The following COG7 variants were observed in gnomAD, a reference collection of about 807,000 sequenced individuals.
The protein encoded by COG7 is conserved oligomeric Golgi complex subunit 7.
Under a neutral mutation model 91.5 loss-of-function variants are expected in COG7, and 49 were observed. The observed-to-expected ratio is 0.54, with a 90% CI of 0.43 to 0.68. The LOEUF (loss-of-function observed/expected upper bound fraction) is 0.68, where lower values mean the gene tolerates loss of function less well. Among genes scored for constraint, COG7 ranks in the 30% least tolerant of loss-of-function variants. The pLI, the probability that COG7 is intolerant of heterozygous loss-of-function variation, is 0.00. For missense variants in COG7, 895 were observed against 961.3 expected (o/e 0.93, Z 0.91); for synonymous variants, 365 against 388.7 (o/e 0.94, Z 0.72).
intron 12 of COG7, among the ~76,000 whole-genome samples, chr16:23,404,215 A>G (rs1312324517): frequency 6.6e-6 from 1 of 152,274 alleles, no homozygotes; most frequent in African/African-American, 2.4e-5. Context: ...AGCTTCACAT[A>G]TAAATCAGAG....
At chr16:23,393,384 C>T (rs1261703976) in intron 14 of COG7, 37 bp from the exon 15 acceptor site, 8 of 1,481,892 alleles carry the variant, frequency 5.4e-6, no homozygotes, top group African/African-American at 1.4e-5. Flanking sequence ...CTGACATTGA[C>T]ACATACGGGT....
Position 23,424,900 on chromosome 16 carries a change from G to A in COG7, c.858C>T (p.Thr286=). Residue 286 remains threonine (T), a synonymous_variant, in exon 7 of 17, where the codon ACC becomes ACT. Transcript: ENST00000307149. The part of the protein sequence containing the change: ...HEVVMVLLIQ[T]LGALMPSLPS... Reference sequence around the variant, plus strand: ...GCAGCGAGGGCATGAGGGCCCCCAGGGTCTGAATCAGCAGCACCATTACCA... The same window carrying A: ...GCAGCGAGGGCATGAGGGCCCCCAGAGTCTGAATCAGCAGCACCATTACCA... 1.2e-6 allele frequency: 2 copies of A among 1,613,890 alleles called. No individual in the cohort carries two copies. Among genetic ancestry groups the A allele is most frequent in the Non-Finnish European group, 1.7e-6 (2 of 1,179,896 alleles).
At chr16:23,411,025 C>CA (rs895059674) in intron 10 of COG7, among the ~76,000 whole-genome samples, 14 of 151,556 alleles carry the variant, frequency 9.2e-5, no homozygotes, top group African/African-American at 1.9e-4. Flanking sequence ...AAATTAAAAA[C>CA]AAAAAAAATG....
intron 4 of COG7, among the ~76,000 whole-genome samples, chr16:23,441,659 G>A (rs2142093388): frequency 6.6e-6 from 1 of 152,290 alleles, no homozygotes; most frequent in Non-Finnish European, 1.5e-5. Flanking sequence ...AGAGGTATCT[G>A]TGAGAGAGAC....
intron 6 of COG7, among the ~76,000 whole-genome samples, chr16:23,430,018 A>T (rs746858533): frequency 1.3e-5 from 2 of 152,190 alleles, no homozygotes; most frequent in African/African-American, 2.4e-5. Context: ...ACTGGGAAGG[A>T]GCATGAGGGA....
rs74661112 is a variant in COG7 at position 23,416,872 on chromosome 16, A to G, written c.1292+95T>C. 0.022 allele frequency: 32,001 copies of G among 1,435,600 alleles called. 580 individuals are homozygous for G. Among genetic ancestry groups the G allele is most frequent in the Admixed American group, 0.074 (4,010 of 54,058 alleles). 88.9% of individuals were successfully genotyped at this position (1,435,600 alleles called of 1,614,324 possible). A position where few individuals can be genotyped will look rare whatever the true frequency, so the allele number is the denominator to read the frequency against. On this transcript the variant is annotated intron_variant, in intron 9 of 16. Transcript: ENST00000307149. ...TTGGGTTCAGGTGCAAGTGTTTCCC[A>G]GGGTTCAGAGAACAAATACAGAACA...
At chr16:23,447,941 T>C (rs1179864113) in intron 1 of COG7, among the ~76,000 whole-genome samples, 2 of 152,002 alleles carry the variant, frequency 1.3e-5, no homozygotes, top group Non-Finnish European at 2.9e-5. Context: ...ATAAAATCCC[T>C]GCATAACGTG....
At chr16:23,426,302 T>C (rs114563808) in intron 6 of COG7, among the ~76,000 whole-genome samples, 149 of 152,292 alleles carry the variant, frequency 9.8e-4, no homozygotes, top group African/African-American at 3.4e-3. Context: ...AAAACACTAG[T>C]AAGCTGAGTT....
Position 23,402,813 on chromosome 16 carries a change from A to G in COG7, c.1803+881T>C, listed in dbSNP as rs559461980. Among the ~76,000 whole-genome samples, 27 of 152,350 alleles carry G rather than the reference A, an allele frequency of 1.8e-4. 1 individual carries two copies. The South Asian group carries it at 5.6e-3, about 32-fold the overall frequency. ...CACGATCATGTCGTTTAACTGAGCA[A>G]TTTTACGGATGGGAATCCTGACTCC... On this transcript the variant is annotated intron_variant, in intron 13 of 16. Transcript: ENST00000307149.
chr16:23,422,927 C>T (rs1316262682), intron 7 of COG7, among the ~76,000 whole-genome samples: 1 of 151,412 alleles, frequency 6.6e-6, no homozygotes, highest in Non-Finnish European at 1.5e-5. Context: ...TGCCTGTAAT[C>T]CCAACTACTC....
At chr16:23,431,078 G>C (rs1294378435) in intron 6 of COG7, among the ~76,000 whole-genome samples, 1 of 152,094 alleles carries the variant, frequency 6.6e-6, no homozygotes, top group Non-Finnish European at 1.5e-5. Context: ...TGAACAGACA[G>C]AGACAGGGAT....
intron 13 of COG7, among the ~76,000 whole-genome samples, chr16:23,399,963 T>C (rs1332753292): frequency 6.6e-6 from 1 of 152,156 alleles, no homozygotes; most frequent in Non-Finnish European, 1.5e-5. Context: ...AGGAATTCCT[T>C]TTCTTTTTCT....
chr16:23,416,689 C>CTTTTTTTTTTTTTTTTTT, intron 9 of COG7: 1 of 478,636 alleles, frequency 2.1e-6, no homozygotes, highest in Non-Finnish European at 3.8e-6. Flanking sequence ...TCTAAGGTTT[C>CTTTTTTTTTTTTTTTTTT]TTTTTTTTTC....
At chr16:23,419,411 C>CA (rs762261311) in intron 7 of COG7, among the ~76,000 whole-genome samples, 35,233 of 113,518 alleles carry the variant, frequency 0.31, 5,297 homozygotes, top group African/African-American at 0.46. Context: ...GACTCCATCT[C>CA]AAAAAAAAAA....
chr16:23,391,991 C>T (rs548388245), intron 16 of COG7: 24 of 1,172,428 alleles, frequency 2.0e-5, no homozygotes, highest in African/African-American at 4.8e-5. Context: ...TTACATAAGA[C>T]GATGGGTGCG....
intron 16 of COG7, 25 bp from the exon 17 acceptor site, chr16:23,389,111 C>T: frequency 1.2e-6 from 2 of 1,611,198 alleles, no homozygotes; most frequent in Non-Finnish European, 1.7e-6. Context: ...AGGAGACAGA[C>T]AGAGCTCCAC....
intron 7 of COG7, among the ~76,000 whole-genome samples, chr16:23,420,362 G>T (rs1380851847): frequency 6.6e-6 from 1 of 152,134 alleles, no homozygotes; most frequent in Non-Finnish European, 1.5e-5. Flanking sequence ...GTCTCAACAG[G>T]GGATTAGTAA....
intron 12 of COG7, among the ~76,000 whole-genome samples, chr16:23,404,424 G>C (rs539748107): frequency 6.6e-6 from 1 of 152,342 alleles, no homozygotes; most frequent in South Asian, 2.1e-4. Context: ...AAGATAAACA[G>C]AGTTGCTTTA....
rs1197576529 is a variant in COG7, at chr16:23,418,723, T to C, written c.1114A>G (p.Ile372Val). 6.2e-7 allele frequency: 1 copy of C among 1,613,532 alleles called. No individual in the cohort carries two copies. Among genetic ancestry groups the C allele is most frequent in the Non-Finnish European group, 8.5e-7 (1 of 1,179,726 alleles). The change falls in exon 8 of 17, where the codon ATC (isoleucine) becomes GTC (valine). Residue 372 changes from isoleucine to valine, a missense_variant. Coordinates refer to ENST00000307149, the MANE Select transcript of COG7 (RefSeq NM_153603.4). ...YGDMEESNLL[I>V]QMSAVPLEHG... ...ACCAGAGGCACAGCACTCATCTGGA[T>C]GAGGAGGTTGCTCTCTTCCATGTCG...
Sources: gnomAD v4.1 joint callset for allele counts (sites outside exome capture counted in the v4.1 genomes callset) on GRCh38, gnomAD v4.1.1 for gene constraint, MANE v1.5 for transcripts, NCBI Gene and HGNC (gene_info 2026-07-23, HGNC 2026-07-21) for gene names.